Variants in XYLT1 observed in about 807,000 individuals in gnomAD.
XYLT1 encodes the protein xylosyltransferase 1.
A neutral mutation model predicts 91.3 loss-of-function variants in XYLT1; 36 were observed. The ratio of observed to expected loss-of-function variants is 0.39; its 90% confidence interval spans 0.30 to 0.52. XYLT1 has a LOEUF of 0.52. XYLT1 is among the 20% of genes least tolerant of loss of function. The probability of loss-of-function intolerance (pLI) is 0.68; values close to 1 mark genes in which losing one functional copy is unlikely to be tolerated. For synonymous variants in XYLT1, 588 were observed against 532.0 expected, an observed-to-expected ratio of 1.11 and a Z score of -1.45; for missense variants, 1,242 against 1,284.5, an observed-to-expected ratio of 0.97 and a Z score of 0.51.
At chr16:17,335,748 C>T (rs939542943) in intron 2 of XYLT1, among the ~76,000 whole-genome samples, 19 of 150,420 alleles carry the variant, frequency 1.3e-4, no homozygotes, top group Non-Finnish European at 2.8e-4. Flanking sequence ...TTTGCCCTAT[C>T]CATGTAATGT....
intron 3 of XYLT1, among the ~76,000 whole-genome samples, chr16:17,213,938 GT>G (rs771963704): frequency 1.6e-4 from 24 of 152,246 alleles, no homozygotes; most frequent in Non-Finnish European, 2.9e-4. Context: ...CTTTCAGAGG[GT>G]TTCAGCACAG....
intron 1 of XYLT1, among the ~76,000 whole-genome samples, chr16:17,399,000 A>C (rs993514980): frequency 6.6e-6 from 1 of 151,808 alleles, no homozygotes; most frequent in Non-Finnish European, 1.5e-5. Context: ...GCATGCCGCC[A>C]CACCTGGCTA....
chr16:17,140,888 G>A (rs1419674686), intron 7 of XYLT1, among the ~76,000 whole-genome samples: 1 of 152,218 alleles, frequency 6.6e-6, no homozygotes, highest in Non-Finnish European at 1.5e-5. Flanking sequence ...TGAAAGCCAA[G>A]TATCTTGAGG....
intron 1 of XYLT1, among the ~76,000 whole-genome samples, chr16:17,457,601 C>T (rs986831157): frequency 5.9e-5 from 9 of 152,140 alleles, no homozygotes; most frequent in African/African-American, 1.9e-4. Flanking sequence ...GAAAATCAGA[C>T]GTCACAATTT....
intron 2 of XYLT1, among the ~76,000 whole-genome samples, chr16:17,331,515 T>A (rs2034899018): frequency 1.3e-5 from 2 of 152,156 alleles, no homozygotes; most frequent in Non-Finnish European, 2.9e-5. Flanking sequence ...ACGTTTTCCA[T>A]TCAACACTCT....
chr16:17,216,101 C>A (rs558430098), intron 3 of XYLT1, among the ~76,000 whole-genome samples: 5 of 152,180 alleles, frequency 3.3e-5, no homozygotes, highest in Non-Finnish European at 5.9e-5. Context: ...GTACTCCCTG[C>A]CCTCTTGACC....
chr16:17,460,558 A>G (rs2036805595), intron 1 of XYLT1, among the ~76,000 whole-genome samples: 1 of 152,110 alleles, frequency 6.6e-6, no homozygotes, highest in Non-Finnish European at 1.5e-5. Flanking sequence ...GTGAACACGG[A>G]GGTCTTCCAA....
intron 6 of XYLT1, among the ~76,000 whole-genome samples, chr16:17,151,556 G>A (rs1322682411): frequency 6.6e-6 from 1 of 152,128 alleles, no homozygotes; most frequent in Non-Finnish European, 1.5e-5. Context: ...GATGATGATC[G>A]CATTTATGTC....
At chr16:17,333,251 T>G (rs1311394733) in intron 2 of XYLT1, among the ~76,000 whole-genome samples, 1 of 152,232 alleles carries the variant, frequency 6.6e-6, no homozygotes, top group Non-Finnish European at 1.5e-5. Context: ...ATTAATCTAT[T>G]TGATTTAACC....
chr16:17,232,429 G>GTGTGTGTGTATA (rs1194509016), intron 3 of XYLT1, among the ~76,000 whole-genome samples: 7 of 121,736 alleles, frequency 5.8e-5, no homozygotes, highest in African/African-American at 9.2e-5. Context: ...GTGTGTGTGT[G>GTGTGTGTGTATA]TATATATATA....
chr16:17,310,828 G>A (rs2034536273), intron 2 of XYLT1, among the ~76,000 whole-genome samples: 1 of 152,138 alleles, frequency 6.6e-6, no homozygotes, highest in Non-Finnish European at 1.5e-5. Flanking sequence ...TAGCCTGGAT[G>A]ACAGAGCAAG....
At chr16:17,200,349 A>G (rs1032290055) in intron 4 of XYLT1, 133 bp downstream of exon 4, 4 of 1,091,894 alleles carry the variant, frequency 3.7e-6, no homozygotes, top group African/African-American at 3.1e-5. Flanking sequence ...CTCTGTGGAG[A>G]GGCAGCTGGT....
intron 2 of XYLT1, among the ~76,000 whole-genome samples, chr16:17,345,389 T>A (rs1442007148): frequency 1.3e-5 from 2 of 152,076 alleles, no homozygotes; most frequent in African/African-American, 4.8e-5. Context: ...ACAAAGCAAA[T>A]CCCTGCAGAG....
intron 3 of XYLT1, among the ~76,000 whole-genome samples, chr16:17,218,283 A>AAAC (rs973583588): frequency 1.3e-5 from 2 of 152,136 alleles, no homozygotes; most frequent in East Asian, 1.9e-4. Flanking sequence ...CCAAAAAAAC[A>AAAC]AACAACAACA....
Position 17,274,176 on chromosome 16 carries a change from T to G in XYLT1, c.403-14678A>C, listed in dbSNP as rs186949292. ...ATCCACCTGCCTCAGCCTCCCAAAG[T>G]GCTGGGATTACAGGCATCATCATTT... On this transcript the variant is annotated intron_variant, in intron 2 of 11. Coordinates refer to ENST00000261381, the MANE Select transcript of XYLT1 (RefSeq NM_022166.4). Among the ~76,000 whole-genome samples, 5 of 152,312 alleles carry G rather than the reference T, an allele frequency of 3.3e-5. No homozygotes were observed. In the East Asian group the frequency reaches 9.7e-4, roughly 29 times the overall value.
chr16:17,408,634 T>G (rs960017398), intron 1 of XYLT1, among the ~76,000 whole-genome samples: 1 of 152,188 alleles, frequency 6.6e-6, no homozygotes, highest in Non-Finnish European at 1.5e-5. Flanking sequence ...TCACCTGAAG[T>G]CAGGAGTTTG....
At chr16:17,386,947 C>T (rs556582851) in intron 1 of XYLT1, among the ~76,000 whole-genome samples, 1 of 152,270 alleles carries the variant, frequency 6.6e-6, no homozygotes, top group South Asian at 2.1e-4. Context: ...GAACCTGGCT[C>T]TGAGGTTAGA....
intron 1 of XYLT1, among the ~76,000 whole-genome samples, chr16:17,362,748 G>T (rs2035401214): frequency 6.6e-6 from 1 of 152,234 alleles, no homozygotes; most frequent in Admixed American, 6.5e-5. Context: ...CCATTGGAAA[G>T]CATGTTCTCT....
chr16:17,353,943 A>G (rs988247504), intron 2 of XYLT1, among the ~76,000 whole-genome samples: 2 of 152,144 alleles, frequency 1.3e-5, no homozygotes, highest in East Asian at 3.9e-4. Flanking sequence ...AGCCTCTCTG[A>G]CCCTTAGGTA....
Sources: allele counts gnomAD v4.1 joint callset (sites outside exome capture counted in the v4.1 genomes callset), GRCh38; gene constraint gnomAD v4.1.1; transcripts MANE v1.5; gene names NCBI Gene and HGNC (gene_info 2026-07-23, HGNC 2026-07-21).